The following TBATA variants were observed in gnomAD, a reference collection of about 807,000 sequenced individuals.
TBATA encodes thymus, brain and testes associated, also known as protein TBATA.
A neutral mutation model predicts 38.7 loss-of-function variants in TBATA; 47 were observed. That is an observed-to-expected ratio of 1.21 (90% CI 0.96 to 1.55). The LOEUF is 1.55. TBATA is among the 40% of genes most tolerant of loss of function. The pLI, the probability that TBATA is intolerant of heterozygous loss-of-function variation, is 0.00. For synonymous variants in TBATA, 183 were observed against 170.5 expected (o/e 1.07, Z -0.57); for missense variants, 436 against 435.6 (o/e 1.00, Z -0.01).
rs111248168 is a variant in TBATA at position 70,776,710 on chromosome 10, G to A, written c.693+443C>T. The stretch of plus-strand genomic sequence containing the variant: ...TCATCTCAGGCCTCAGTGGGGAAAC[G>A]TGAGCATGGAGGAGGTGGGCTCTGG... On this transcript the variant is annotated intron_variant, in intron 7 of 10. Transcript: ENST00000456372. 7.2e-3 allele frequency among the ~76,000 whole-genome samples: 1,098 copies of A among 152,296 alleles called. 19 individuals carry two copies. The highest frequency in any genetic ancestry group is 0.025 in the African/African-American group (1,041 of 41,560).
chr10:70,777,148 C>T lies in TBATA; in HGVS notation c.693+5G>A, dbSNP rs1245961642. 6.2e-7 allele frequency: 1 copy of T among 1,611,818 alleles called. No homozygotes were observed. The highest frequency in any genetic ancestry group is 8.5e-7 in the Non-Finnish European group (1 of 1,179,590). ...AGGAGCCTGGGAGCAGAACTGGGCCCTCACCAGCAGCTCCTGATCCTGAAG... is the reference window on the plus strand; with the variant it reads ...AGGAGCCTGGGAGCAGAACTGGGCCTTCACCAGCAGCTCCTGATCCTGAAG... On this transcript the variant is annotated splice_donor_5th_base_variant and intron_variant, in intron 7 of 10. Coordinates refer to ENST00000456372, the MANE Select transcript of TBATA (RefSeq NM_001318241.2).
intron 4 of TBATA, among the ~76,000 whole-genome samples, chr10:70,780,921 C>T (rs1185269972): frequency 2.0e-5 from 3 of 152,210 alleles, no homozygotes; most frequent in Admixed American, 6.5e-5. Context: ...TGGTCCAAGC[C>T]ACACTTAAGA....
chr10:70,776,778 C>T (rs1448210138), intron 7 of TBATA, among the ~76,000 whole-genome samples: 6 of 152,190 alleles, frequency 3.9e-5, no homozygotes, highest in Non-Finnish European at 7.3e-5. Context: ...AGTGTGGACA[C>T]CAGGCTGGGC....
At position 70,777,436 on chromosome 10, in the gene TBATA, G is replaced by A. The variant is rs542491521; in HGVS notation, c.508-98C>T. ...GCAGGAGGCCGGGTCACAATCCCAG[G>A]GCACTTCGCCTCCCAAATCCCAGCA... On this transcript the variant is annotated intron_variant, in intron 6 of 10. Transcript: ENST00000456372. The A allele has an allele frequency of 3.5e-6, 4 of 1,147,496 alleles. No individual in the cohort carries two copies. In the Middle Eastern group the frequency reaches 8.9e-4, roughly 255 times the overall value. 71.1% of individuals were successfully genotyped at this position (1,147,496 alleles called of 1,614,324 possible).
At position 70,780,127 on chromosome 10, in the gene TBATA, A is replaced by T. The variant is rs1843982659; in HGVS notation, c.278-385T>A. On this transcript the variant is annotated intron_variant, in intron 4 of 10. Transcript: ENST00000456372. ...ATGAGAATGCTGGGGCGAGGGCATT[A>T]TGTCACAGTTCATGATGGGAGAGGC... Among the ~76,000 whole-genome samples, 3 of 152,284 alleles carry T rather than the reference A, an allele frequency of 2.0e-5. No homozygotes were observed. In the East Asian group the frequency reaches 5.8e-4, roughly 29 times the overall value.
chr10:70,771,261 A>C lies in TBATA; in HGVS notation c.*115T>G, dbSNP rs768167287. 12 of 1,603,642 alleles carry C rather than the reference A, an allele frequency of 7.5e-6. No homozygotes were observed. The Admixed American group carries it at 8.4e-5, about 11-fold the overall frequency. On this transcript the variant is annotated 3_prime_UTR_variant, in exon 11 of 11. Coordinates refer to ENST00000456372, the MANE Select transcript of TBATA (RefSeq NM_001318241.2). ...TCTCTCAGGGAAGACGGTTTTATTT[A>C]GTAAGAGTTTTCACGGTAGGGAATC...
Position 70,779,627 on chromosome 10 carries a change from G to C in TBATA, c.393C>G (p.Asp131Glu), listed in dbSNP as rs767797405. ...GCTGGGGGTTCCGATTAGACTGTGG[G>C]TCTCCAATGGGGACAGAGATGGTGG... Reference protein sequence around the residue: ...GIPTISVPIGDPQSNRNPQLS... With the variant: ...GIPTISVPIGEPQSNRNPQLS... Residue 131 changes from aspartate (D) to glutamate (E), a missense_variant, in exon 5 of 11, where the codon GAC (aspartate) becomes GAG (glutamate). Physicochemically the swap from Asp to Glu is conservative, Grantham distance 45. Transcript: ENST00000456372. 18 of 1,524,710 alleles carry C rather than the reference G, an allele frequency of 1.2e-5. No individual in the cohort carries two copies. The highest frequency in any genetic ancestry group is 2.5e-5 in the Admixed American group (1 of 40,666). 94.4% of individuals were successfully genotyped at this position (1,524,710 alleles called of 1,614,324 possible).
intron 9 of TBATA, 24 bp from the exon 10 acceptor site, chr10:70,772,590 G>T (rs1431906980): frequency 6.2e-7 from 1 of 1,614,042 alleles, no homozygotes; most frequent in East Asian, 2.2e-5. Context: ...CAAAGAAGGG[G>T]CTGGGAAGGT....
intron 9 of TBATA, among the ~76,000 whole-genome samples, chr10:70,773,892 T>C (rs1249708441): frequency 1.3e-5 from 2 of 152,262 alleles, no homozygotes; most frequent in Non-Finnish European, 2.9e-5. Flanking sequence ...ATTTTCTCTC[T>C]ACTCATGTCT....
chr10:70,778,448 T>G lies in TBATA; in HGVS notation c.507+109A>C, dbSNP rs1047409567. The stretch of plus-strand genomic sequence containing the variant: ...TTCCCCTGACGTTTGTATGAATCAG[T>G]CCCCCCACCCCACCTCTGGTAGGCT... On this transcript the variant is annotated intron_variant, in intron 6 of 10. Transcript: ENST00000456372. The G allele has an allele frequency of 5.6e-6, 6 of 1,073,832 alleles. No individual in the cohort carries two copies. In the South Asian group the frequency reaches 6.3e-5, roughly 11 times the overall value. 66.5% of individuals were successfully genotyped at this position (1,073,832 alleles called of 1,614,324 possible).
chr10:70,771,326 G>C lies in TBATA; in HGVS notation c.*50C>G, dbSNP rs768281634. The C allele has an allele frequency of 4.0e-5, 64 of 1,613,830 alleles. No homozygotes were observed. Among genetic ancestry groups the C allele is most frequent in the Non-Finnish European group, 5.2e-5 (61 of 1,179,902 alleles). On this transcript the variant is annotated 3_prime_UTR_variant, in exon 11 of 11. Transcript: ENST00000456372. ...AGGTGGTGGAGACAGAAACACCCCT[G>C]AACCCTTGGGGCTGCTCTTGAGCAA...
rs571738825 is a variant in TBATA at position 70,778,204 on chromosome 10, C to T, written c.507+353G>A. Among the ~76,000 whole-genome samples, 76 of 152,274 alleles carry T rather than the reference C, an allele frequency of 5.0e-4. 1 individual carries two copies. The highest frequency in any genetic ancestry group is 1.6e-3 in the African/African-American group (68 of 41,544). ...TCCTCCCCACATGCAAAGTCTGCCC[C>T]CCCTCACCTTTCCCATTGCTGCCCA... On this transcript the variant is annotated intron_variant, in intron 6 of 10. Coordinates refer to ENST00000456372, the MANE Select transcript of TBATA (RefSeq NM_001318241.2).
At chr10:70,774,666 C>G (rs547613142) in intron 8 of TBATA, among the ~76,000 whole-genome samples, 1 of 152,146 alleles carries the variant, frequency 6.6e-6, no homozygotes, top group African/African-American at 2.4e-5. Context: ...TCCTCCTCCC[C>G]CTTCTCCTTC....
chr10:70,779,837 C>T (rs1036420415), intron 4 of TBATA, 95 bp from the exon 5 acceptor site: 11 of 1,306,324 alleles, frequency 8.4e-6, no homozygotes, highest in African/African-American at 7.9e-5. Context: ...GTGATTCCGG[C>T]TCCACCTCTT....
chr10:70,774,539 C>G (rs2021633687), intron 8 of TBATA, among the ~76,000 whole-genome samples, 182 bp from the exon 9 acceptor site: 1 of 152,112 alleles, frequency 6.6e-6, no homozygotes, highest in South Asian at 2.1e-4. Context: ...GCCCCTAGCC[C>G]TTTCACATCC....
At chr10:70,782,488 C>T (rs1844370454) in intron 3 of TBATA, 1 of 1,287,860 alleles carries the variant, frequency 7.8e-7, no homozygotes, top group Non-Finnish European at 1.0e-6. Flanking sequence ...GTCATCCTCC[C>T]CCATGCACTC....
At chr10:70,782,208 C>A (rs1844305592) in intron 3 of TBATA, 172 bp from the exon 4 acceptor site, 7 of 1,308,258 alleles carry the variant, frequency 5.4e-6, no homozygotes, top group Middle Eastern at 3.7e-4. Flanking sequence ...CCCCCAGAGT[C>A]CTTTCCCAAC....
At chr10:70,778,881 A>T (rs1843766674) in intron 5 of TBATA, 2 of 605,696 alleles carry the variant, frequency 3.3e-6, no homozygotes, top group Non-Finnish European at 6.0e-6. Flanking sequence ...GCTGATGTTG[A>T]TGTCCTAGCC....
chr10:70,777,378 G>A (rs771103843), intron 6 of TBATA, 40 bp from the exon 7 acceptor site: 6 of 1,591,888 alleles, frequency 3.8e-6, no homozygotes, highest in South Asian at 3.4e-5. Flanking sequence ...CAGTCAGCAA[G>A]AGGGGAGGAA....
Sources: gnomAD v4.1 joint callset for allele counts (sites outside exome capture counted in the v4.1 genomes callset) on GRCh38, gnomAD v4.1.1 for gene constraint, MANE v1.5 for transcripts, NCBI Gene and HGNC (gene_info 2026-07-23, HGNC 2026-07-21) for gene names.